TRPC4AP: variants seen among roughly 807,000 people sequenced by gnomAD.
TRPC4AP encodes short transient receptor potential channel 4-associated protein.
In TRPC4AP, 45 loss-of-function variants were observed where a neutral mutation model predicts 99.0. The ratio of observed to expected loss-of-function variants is 0.45; its 90% CI spans 0.36 to 0.58. The LOEUF (loss-of-function observed/expected upper bound fraction) is 0.58. Among genes scored for constraint, TRPC4AP ranks in the 20% least tolerant of loss-of-function variants. The probability of loss-of-function intolerance (pLI) is 0.00; values close to 1 mark genes in which losing one functional copy is unlikely to be tolerated. For synonymous variants in TRPC4AP, 408 were observed against 385.8 expected (o/e 1.06, Z -0.67); for missense variants, 879 against 985.3 (o/e 0.89, Z 1.44).
At chr20:35,010,121 G>A (rs934838739) in intron 12 of TRPC4AP, 66 bp downstream of exon 12, 70 of 1,393,338 alleles carry the variant, frequency 5.0e-5, no homozygotes, top group African/African-American at 1.1e-4. Flanking sequence ...TGTGCTCACC[G>A]GTGAGCCCCC....
intron 12 of TRPC4AP, 62 bp downstream of exon 12, chr20:35,010,125 A>C (rs1286954481): frequency 1.4e-6 from 2 of 1,410,248 alleles, no homozygotes; most frequent in African/African-American, 2.8e-5. Flanking sequence ...CTCACCGGTG[A>C]GCCCCCGGGG....
chr20:35,003,406 T>TCA lies in TRPC4AP; in HGVS notation c.2256+2_2256+3dup. The TCA allele has an allele frequency of 6.2e-7, 1 of 1,613,980 alleles. No homozygotes were observed. Among genetic ancestry groups the TCA allele is most frequent in the Non-Finnish European group, 8.5e-7 (1 of 1,179,978 alleles). On this transcript the variant is annotated splice_donor_region_variant and intron_variant, in intron 18 of 18. Transcript: ENST00000252015. Reference sequence around the variant, plus strand: ...CATCACCCCCTTGAGGGTGGGGCACTCACGTTCTCTAGGCAGGTGCTGTCC... The same window carrying TCA: ...CATCACCCCCTTGAGGGTGGGGCACTCACACGTTCTCTAGGCAGGTGCTGTCC...
intron 8 of TRPC4AP, among the ~76,000 whole-genome samples, chr20:35,023,930 T>C (rs1035527908): frequency 2.0e-5 from 3 of 152,180 alleles, no homozygotes; most frequent in African/African-American, 7.2e-5. Flanking sequence ...TGACAAGACT[T>C]TCTGTGATAA....
At chr20:35,064,067 C>A (rs558121136) in intron 3 of TRPC4AP, among the ~76,000 whole-genome samples, 1 of 152,096 alleles carries the variant, frequency 6.6e-6, no homozygotes, top group Admixed American at 6.5e-5. Context: ...AAAATTAGGA[C>A]CTTTGTTTTC....
chr20:35,050,726 A>C (rs573753571), intron 5 of TRPC4AP, among the ~76,000 whole-genome samples: 4 of 150,050 alleles, frequency 2.7e-5, no homozygotes, highest in Non-Finnish European at 4.5e-5. Flanking sequence ...AAAAAAAACA[A>C]AACAAAAAAA....
At chr20:35,020,838 C>T (rs937119900) in intron 9 of TRPC4AP, among the ~76,000 whole-genome samples, 1 of 152,164 alleles carries the variant, frequency 6.6e-6, no homozygotes, top group African/African-American at 2.4e-5. Flanking sequence ...CTCTGTCCCA[C>T]TGCCCTGAGC....
At chr20:35,025,995 A>G (rs2083021041) in intron 8 of TRPC4AP, among the ~76,000 whole-genome samples, 2 of 152,196 alleles carry the variant, frequency 1.3e-5, no homozygotes, top group Non-Finnish European at 2.9e-5. Context: ...GCATGTGGAC[A>G]TCAAATGGTC....
intron 8 of TRPC4AP, among the ~76,000 whole-genome samples, chr20:35,026,063 C>A (rs1338956298): frequency 6.6e-6 from 1 of 152,050 alleles, no homozygotes; most frequent in Non-Finnish European, 1.5e-5. Context: ...GTCTTGGTAC[C>A]CACTGAAAAT....
At chr20:35,024,811 G>A (rs1053665036) in intron 8 of TRPC4AP, among the ~76,000 whole-genome samples, 15 of 101,174 alleles carry the variant, frequency 1.5e-4, no homozygotes, top group Non-Finnish European at 2.6e-4. Flanking sequence ...CTAGGTGACA[G>A]AGAGAGACCG....
chr20:35,003,721 G>A lies in TRPC4AP; in HGVS notation c.2050-105C>T, dbSNP rs549128448. 6.1e-4 allele frequency: 770 copies of A among 1,257,494 alleles called. 1 individual carries two copies. Among genetic ancestry groups the A allele is most frequent in the Non-Finnish European group, 7.2e-4 (655 of 911,750 alleles). The allele number at this position is 1,257,494 out of a possible 1,614,324, so 77.9% of individuals were successfully genotyped here. On this transcript the variant is annotated intron_variant, in intron 17 of 18. Transcript: ENST00000252015. ...AGGGAGGAGAGTGGCCCCAGGCCTC[G>A]GGCCACCCACAGAGCTCTCCCTGCA...
chr20:35,090,570 C>T (rs540078483), intron 1 of TRPC4AP, among the ~76,000 whole-genome samples: 39 of 152,094 alleles, frequency 2.6e-4, no homozygotes, highest in African/African-American at 8.9e-4. Context: ...GACGGGGCTT[C>T]GCCATGTTGG....
intron 7 of TRPC4AP, among the ~76,000 whole-genome samples, chr20:35,037,879 G>T (rs1483218598): frequency 6.6e-6 from 1 of 152,024 alleles, no homozygotes; most frequent in African/African-American, 2.4e-5. Context: ...CAGCCTAAGT[G>T]TATCATGGGC....
intron 8 of TRPC4AP, among the ~76,000 whole-genome samples, chr20:35,031,519 C>A (rs192400825): frequency 6.7e-6 from 1 of 150,024 alleles, no homozygotes; most frequent in African/African-American, 2.5e-5. Context: ...TACAGGTGTG[C>A]GCCAACATGC....
At chr20:35,031,534 C>T (rs896472199) in intron 8 of TRPC4AP, among the ~76,000 whole-genome samples, 1 of 151,656 alleles carries the variant, frequency 6.6e-6, no homozygotes, top group Non-Finnish European at 1.5e-5. Context: ...ACATGCCAGG[C>T]CTCAGCGTTT....
At chr20:35,086,582 T>C (rs2084889250) in intron 1 of TRPC4AP, among the ~76,000 whole-genome samples, 1 of 147,484 alleles carries the variant, frequency 6.8e-6, no homozygotes, top group Non-Finnish European at 1.5e-5. Context: ...TGTGTATATA[T>C]ATATGAATAA....
intron 3 of TRPC4AP, among the ~76,000 whole-genome samples, chr20:35,065,801 T>C (rs1314312415): frequency 6.6e-6 from 1 of 152,124 alleles, no homozygotes; most frequent in Non-Finnish European, 1.5e-5. Flanking sequence ...CCACTGCAAA[T>C]AGACACAGGC....
In TRPC4AP at chr20:35,003,104, CACCCACACTG is replaced by C. The variant is rs754117468; in HGVS notation, c.*32_*41del. Reference sequence around the variant, plus strand: ...GGGCGTGTGGCATCGTACCCACGCTCACCCACACTGGCCCAGCAGCCTCCCGAGGCCTGGC... The same window carrying C: ...GGGCGTGTGGCATCGTACCCACGCTCGCCCAGCAGCCTCCCGAGGCCTGGC... On this transcript the variant is annotated 3_prime_UTR_variant, in exon 19 of 19. Coordinates refer to ENST00000252015, the MANE Select transcript of TRPC4AP (RefSeq NM_015638.3). 1.2e-6 allele frequency: 2 copies of C among 1,611,538 alleles called. No homozygotes were observed. Among genetic ancestry groups the C allele is most frequent in the South Asian group, 1.1e-5 (1 of 90,866 alleles).
At chr20:35,077,023 A>G (rs1481534501) in intron 2 of TRPC4AP, among the ~76,000 whole-genome samples, 4 of 152,166 alleles carry the variant, frequency 2.6e-5, no homozygotes, top group African/African-American at 9.7e-5. Context: ...CTGCTGTGCT[A>G]GCAGTGAGCA....
At chr20:35,006,640 C>G in intron 14 of TRPC4AP, 65 bp from the exon 15 acceptor site, 1 of 1,578,250 alleles carries the variant, frequency 6.3e-7, no homozygotes, top group East Asian at 2.2e-5. Context: ...TGGCATGGAG[C>G]TCAGACCATG....
Sources: gnomAD v4.1 joint callset for allele counts (sites outside exome capture counted in the v4.1 genomes callset) on GRCh38, gnomAD v4.1.1 for gene constraint, MANE v1.5 for transcripts, NCBI Gene and HGNC (gene_info 2026-07-23, HGNC 2026-07-21) for gene names.